ABTB2: variants seen among roughly 807,000 people sequenced by gnomAD.
ABTB2 encodes ankyrin repeat and BTB domain containing 2.
In ABTB2, 56 loss-of-function variants were observed where a neutral mutation model predicts 104.1. The observed-to-expected ratio is 0.54, with a 90% CI of 0.43 to 0.67. The LOEUF is 0.67. Among genes scored for constraint, ABTB2 ranks in the 30% least tolerant of loss-of-function variants. The pLI is 0.00. For missense variants in ABTB2, 1,279 were observed against 1,407.7 expected (o/e 0.91, Z 1.46); for synonymous variants, 606 against 608.2 (o/e 1.00, Z 0.05).
At chr11:34,184,486 G>C (rs1466964093) in intron 3 of ABTB2, among the ~76,000 whole-genome samples, 2 of 152,202 alleles carry the variant, frequency 1.3e-5, no homozygotes, top group Admixed American at 1.3e-4. Flanking sequence ...CTGTCCTTAG[G>C]AATCAGGCCT....
At chr11:34,164,624 G>A (rs1852771642) in intron 9 of ABTB2, 62 bp downstream of exon 9, 2 of 1,392,790 alleles carry the variant, frequency 1.4e-6, no homozygotes, top group South Asian at 1.8e-5. Context: ...GGGAAACTGA[G>A]GCTCCTGTGA....
chr11:34,317,967 C>CT (rs1564931359), intron 1 of ABTB2, among the ~76,000 whole-genome samples: 2 of 151,456 alleles, frequency 1.3e-5, no homozygotes, highest in African/African-American at 2.4e-5. Flanking sequence ...GTCCCCCTCC[C>CT]CTACCTCTTT....
chr11:34,334,228 C>T (rs1203107387), intron 1 of ABTB2, among the ~76,000 whole-genome samples: 2 of 152,110 alleles, frequency 1.3e-5, no homozygotes, highest in Non-Finnish European at 2.9e-5. Context: ...CAAAAACAAC[C>T]CTGTCTTTGT....
At chr11:34,152,828 G>C (rs547897067) in intron 16 of ABTB2, among the ~76,000 whole-genome samples, 2 of 152,328 alleles carry the variant, frequency 1.3e-5, no homozygotes, top group South Asian at 4.1e-4. Context: ...ATCCCTGTTG[G>C]GTTGGAAGTT....
chr11:34,159,596 C>T (rs1017855449), intron 13 of ABTB2, among the ~76,000 whole-genome samples: 1 of 152,222 alleles, frequency 6.6e-6, no homozygotes, highest in Non-Finnish European at 1.5e-5. Flanking sequence ...CCACCACCCA[C>T]CCTACAAGCG....
intron 1 of ABTB2, among the ~76,000 whole-genome samples, chr11:34,251,787 C>T (rs1204026717): frequency 3.3e-5 from 5 of 152,100 alleles, no homozygotes; most frequent in Non-Finnish European, 5.9e-5. Context: ...CCTCAGGAAA[C>T]AACTAAAGCA....
chr11:34,212,184 G>A (rs1853488987), intron 1 of ABTB2, among the ~76,000 whole-genome samples: 1 of 152,056 alleles, frequency 6.6e-6, no homozygotes, highest in Non-Finnish European at 1.5e-5. Flanking sequence ...AGCCTCCGGA[G>A]TAGCTGGGAG....
chr11:34,335,306 A>C (rs1855180527), intron 1 of ABTB2: 1 of 1,195,904 alleles, frequency 8.4e-7, no homozygotes, highest in Non-Finnish European at 1.3e-6. Flanking sequence ...TGGTCCAAAA[A>C]AATGCCAAAC....
intron 3 of ABTB2, among the ~76,000 whole-genome samples, chr11:34,194,044 A>G (rs964245637): frequency 3.3e-5 from 5 of 152,246 alleles, no homozygotes; most frequent in Admixed American, 3.3e-4. Context: ...TCCACACAAA[A>G]GAGATGAACA....
intron 1 of ABTB2, among the ~76,000 whole-genome samples, chr11:34,272,614 G>A (rs969316872): frequency 1.3e-5 from 2 of 149,938 alleles, no homozygotes; most frequent in Non-Finnish European, 3.0e-5. Flanking sequence ...GGCTGAGGCA[G>A]GAGAATGGCG....
rs749712157 is a variant in ABTB2, at chr11:34,173,217, G to C, written c.1335C>G (p.Gly445=). ...EHRRSLTVDS[G]DIRQAARLLL... is the part of the protein sequence containing the mutation. ...GCAGCCGGGCTGCCTGCCGGATGTC[G>C]CCGCTGTCCACGGTGAGGCTGCGGC... is the stretch of plus-strand genomic sequence containing the variant. Residue 445 remains glycine, a synonymous_variant, in exon 4 of 17, where the codon GGC becomes GGG. Transcript: ENST00000435224. The C allele has an allele frequency of 1.9e-6, 3 of 1,613,582 alleles. No homozygotes were observed. Among genetic ancestry groups the C allele is most frequent in the Non-Finnish European group, 2.5e-6 (3 of 1,179,906 alleles).
At chr11:34,325,453 A>G (rs1590256948) in intron 1 of ABTB2, among the ~76,000 whole-genome samples, 1 of 152,196 alleles carries the variant, frequency 6.6e-6, no homozygotes, top group African/African-American at 2.4e-5. Context: ...TCCGTTCCCT[A>G]GTTTCCTCAC....
At chr11:34,167,118 A>G in intron 7 of ABTB2, 141 bp downstream of exon 7, 1 of 724,454 alleles carries the variant, frequency 1.4e-6, no homozygotes, top group South Asian at 1.8e-5. Flanking sequence ...TGCTCTATCG[A>G]TCAGGTGAGC....
At chr11:34,256,575 A>C (rs1205346257) in intron 1 of ABTB2, among the ~76,000 whole-genome samples, 1 of 152,188 alleles carries the variant, frequency 6.6e-6, no homozygotes, top group Admixed American at 6.5e-5. Flanking sequence ...TTGGGAAAAG[A>C]AGCCAGGGTT....
chr11:34,251,553 C>T (rs1240314922), intron 1 of ABTB2, among the ~76,000 whole-genome samples: 1 of 152,208 alleles, frequency 6.6e-6, no homozygotes, highest in East Asian at 1.9e-4. Context: ...GTCAGCTATG[C>T]TGGGGGAAGC....
chr11:34,171,907 G>T (rs1269264359), intron 4 of ABTB2, among the ~76,000 whole-genome samples: 1 of 152,198 alleles, frequency 6.6e-6, no homozygotes, highest in Non-Finnish European at 1.5e-5. Flanking sequence ...TACAAGGAAA[G>T]TCACAGATAA....
chr11:34,291,846 T>G (rs1039367256), intron 1 of ABTB2, among the ~76,000 whole-genome samples: 1 of 152,124 alleles, frequency 6.6e-6, no homozygotes, highest in Non-Finnish European at 1.5e-5. Flanking sequence ...ATATATGGGC[T>G]GCTTTTGGTT....
intron 2 of ABTB2, among the ~76,000 whole-genome samples, chr11:34,203,536 A>G (rs1363047688): frequency 6.6e-6 from 1 of 152,144 alleles, no homozygotes; most frequent in Non-Finnish European, 1.5e-5. Context: ...CCCTCAGGGG[A>G]CAGGGGACCC....
intron 1 of ABTB2, among the ~76,000 whole-genome samples, chr11:34,255,625 C>G (rs142890240): frequency 3.3e-5 from 5 of 152,116 alleles, no homozygotes; most frequent in African/African-American, 7.2e-5. Context: ...TCAAGCAATT[C>G]TTGTGTCTCA....
Sources: allele counts gnomAD v4.1 joint callset (sites outside exome capture counted in the v4.1 genomes callset), GRCh38; gene constraint gnomAD v4.1.1; transcripts MANE v1.5; gene names NCBI Gene and HGNC (gene_info 2026-07-23, HGNC 2026-07-21).